Variants in FBXW7 observed in about 807,000 individuals in gnomAD.
FBXW7 encodes F-box/WD repeat-containing protein 7.
FBXW7 carries 11 observed loss-of-function variants against 86.3 expected under a neutral mutation model. The ratio of observed to expected loss-of-function variants is 0.13; its 90% CI spans 0.08 to 0.21. FBXW7 has a LOEUF of 0.21. FBXW7 is among the 10% of genes least tolerant of loss of function. FBXW7 has a pLI of 1.00. For synonymous variants in FBXW7, 313 were observed against 297.9 expected (o/e 1.05, Z -0.52); for missense variants, 488 against 847.4 (o/e 0.58, Z 5.27).
At chr4:152,528,541 G>C (rs1479878350) in intron 2 of FBXW7, among the ~76,000 whole-genome samples, 2 of 152,154 alleles carry the variant, frequency 1.3e-5, no homozygotes, top group Admixed American at 6.5e-5. Flanking sequence ...TAAATGTTAA[G>C]TTTGTCATTC....
intron 4 of FBXW7, among the ~76,000 whole-genome samples, chr4:152,409,544 TG>T (rs1309009139): frequency 3.9e-5 from 6 of 152,142 alleles, no homozygotes; most frequent in African/African-American, 7.2e-5. Flanking sequence ...GTTTCAGGAA[TG>T]GACAAAAAGG....
At chr4:152,533,564 G>T (rs1296077364) in intron 2 of FBXW7, among the ~76,000 whole-genome samples, 4 of 152,194 alleles carry the variant, frequency 2.6e-5, no homozygotes, top group African/African-American at 9.7e-5. Flanking sequence ...GGAGGGAAAA[G>T]TGGTCAAATG....
chr4:152,484,909 C>G (rs947937343), intron 2 of FBXW7, among the ~76,000 whole-genome samples: 2 of 147,796 alleles, frequency 1.4e-5, no homozygotes, highest in Admixed American at 6.9e-5. Flanking sequence ...CTGCAGTGAG[C>G]TGAGATCGCG....
At chr4:152,519,606 C>T (rs1748823002) in intron 2 of FBXW7, among the ~76,000 whole-genome samples, 1 of 152,112 alleles carries the variant, frequency 6.6e-6, no homozygotes, top group South Asian at 2.1e-4. Context: ...ATGATGATTC[C>T]AAGAGCAAGA....
intron 2 of FBXW7, among the ~76,000 whole-genome samples, chr4:152,518,391 G>A (rs550613620): frequency 3.3e-5 from 5 of 151,958 alleles, no homozygotes; most frequent in South Asian, 2.1e-4. Context: ...GAACTACTAC[G>A]CTCAAAACCA....
chr4:152,394,974 T>A (rs1327389960), intron 4 of FBXW7, among the ~76,000 whole-genome samples: 1 of 152,090 alleles, frequency 6.6e-6, no homozygotes, highest in African/African-American at 2.4e-5. Flanking sequence ...GAGGACATGA[T>A]CTACTGAGTC....
At chr4:152,394,030 T>C (rs1342056262) in intron 4 of FBXW7, among the ~76,000 whole-genome samples, 2 of 152,116 alleles carry the variant, frequency 1.3e-5, no homozygotes, top group African/African-American at 4.8e-5. Context: ...TTACAAGGAA[T>C]GAAGTTAATA....
At chr4:152,472,100 C>A (rs571805787) in intron 2 of FBXW7, among the ~76,000 whole-genome samples, 6 of 152,160 alleles carry the variant, frequency 3.9e-5, no homozygotes, top group African/African-American at 1.4e-4. Flanking sequence ...AGACATACTA[C>A]TACCCTCCAA....
intron 2 of FBXW7, among the ~76,000 whole-genome samples, chr4:152,461,455 A>G (rs2149631681): frequency 6.6e-6 from 1 of 152,144 alleles, no homozygotes; most frequent in Non-Finnish European, 1.5e-5. Flanking sequence ...TTTCCCAACT[A>G]TTTTTGATCC....
chr4:152,403,147 A>G (rs1189841301), intron 4 of FBXW7, among the ~76,000 whole-genome samples: 2 of 152,140 alleles, frequency 1.3e-5, no homozygotes, highest in Non-Finnish European at 2.9e-5. Flanking sequence ...AAGGGAAAGC[A>G]CTGATGATTT....
At chr4:152,434,705 C>A (rs926726890) in intron 2 of FBXW7, among the ~76,000 whole-genome samples, 1 of 151,918 alleles carries the variant, frequency 6.6e-6, no homozygotes, top group Non-Finnish European at 1.5e-5. Flanking sequence ...CAGGGTAAGA[C>A]AAAAATCGTT....
At chr4:152,369,637 T>G (rs1484372299) in intron 4 of FBXW7, among the ~76,000 whole-genome samples, 6 of 152,028 alleles carry the variant, frequency 3.9e-5, no homozygotes, top group African/African-American at 1.4e-4. Flanking sequence ...AAAATAAGAC[T>G]GTTCGGTAAT....
chr4:152,451,309 A>G (rs1403865774), intron 2 of FBXW7, among the ~76,000 whole-genome samples: 3 of 152,178 alleles, frequency 2.0e-5, no homozygotes, highest in Non-Finnish European at 4.4e-5. Flanking sequence ...TTGTTTTAAA[A>G]ATATTTAACA....
At chr4:152,390,253 C>T (rs943242976) in intron 4 of FBXW7, among the ~76,000 whole-genome samples, 4 of 151,370 alleles carry the variant, frequency 2.6e-5, no homozygotes, top group African/African-American at 9.7e-5. Flanking sequence ...AAATACTTTT[C>T]CTCATCCTTT....
intron 4 of FBXW7, among the ~76,000 whole-genome samples, chr4:152,396,826 G>T (rs987974904): frequency 3.3e-5 from 5 of 151,762 alleles, no homozygotes; most frequent in Non-Finnish European, 5.9e-5. Flanking sequence ...ACACCACTAA[G>T]GCATAAAAAA....
intron 2 of FBXW7, among the ~76,000 whole-genome samples, chr4:152,482,354 A>G (rs781018951): frequency 6.6e-6 from 1 of 152,210 alleles, no homozygotes; most frequent in African/African-American, 2.4e-5. Context: ...GGAAAACAAA[A>G]ATGTGTGTGA....
chr4:152,476,349 C>G (rs1744397751), intron 2 of FBXW7, among the ~76,000 whole-genome samples: 1 of 152,076 alleles, frequency 6.6e-6, no homozygotes, highest in Non-Finnish European at 1.5e-5. Flanking sequence ...GATCACAGAT[C>G]TAAATGTAAG....
At chr4:152,463,483 T>TATTA (rs1743143066) in intron 2 of FBXW7, among the ~76,000 whole-genome samples, 1 of 152,026 alleles carries the variant, frequency 6.6e-6, no homozygotes, top group African/African-American at 2.4e-5. Flanking sequence ...TGACAACTAA[T>TATTA]ATTAACAAGT....
chr4:152,464,983 T>C (rs991481274), intron 2 of FBXW7, among the ~76,000 whole-genome samples: 4 of 152,054 alleles, frequency 2.6e-5, no homozygotes, highest in African/African-American at 9.7e-5. Flanking sequence ...TGAGCCTTTC[T>C]GAGTAAGATT....
Sources: allele counts gnomAD v4.1 joint callset (sites outside exome capture counted in the v4.1 genomes callset), GRCh38; gene constraint gnomAD v4.1.1; transcripts MANE v1.5; gene names NCBI Gene and HGNC (gene_info 2026-07-23, HGNC 2026-07-21).